R3HCC1L: variants seen among roughly 807,000 people sequenced by gnomAD.
R3HCC1L encodes the protein coiled-coil domain-containing protein R3HCC1L.
In R3HCC1L, 51 loss-of-function variants were observed where a neutral mutation model predicts 59.9. The ratio of observed to expected loss-of-function variants is 0.85; its 90% CI spans 0.68 to 1.07. The LOEUF (loss-of-function observed/expected upper bound fraction) is 1.07. Among genes scored for constraint, R3HCC1L ranks in the 50% least tolerant of loss-of-function variants. The probability of loss-of-function intolerance (pLI) is 0.00; values close to 1 mark genes in which losing one functional copy is unlikely to be tolerated. For missense variants in R3HCC1L, 965 were observed against 933.0 expected (o/e 1.03, Z -0.45); for synonymous variants, 322 against 315.2 (o/e 1.02, Z -0.23).
In R3HCC1L at chr10:98,163,402, G is replaced by C; in HGVS notation, c.-15+5G>C. 1 of 1,331,908 alleles carries C rather than the reference G, an allele frequency of 7.5e-7. No homozygotes were observed. Among genetic ancestry groups the C allele is most frequent in the Admixed American group, 2.5e-5 (1 of 39,312 alleles). 82.5% of individuals were successfully genotyped at this position (1,331,908 alleles called of 1,614,324 possible). A position where few individuals can be genotyped will look rare whatever the true frequency, so the allele number is the denominator to read the frequency against. On this transcript the variant is annotated splice_donor_5th_base_variant and intron_variant, in intron 4 of 9. Transcript: ENST00000298999. The stretch of plus-strand genomic sequence containing the variant: ...AAAATAAATGTTACTTACATGGTAA[G>C]TTGCCTTTACTTATGCATATTTTAT...
chr10:98,221,755 A>G (rs965781377), intron 5 of R3HCC1L, among the ~76,000 whole-genome samples: 2 of 152,232 alleles, frequency 1.3e-5, no homozygotes, highest in African/African-American at 4.8e-5. Flanking sequence ...TTTTGGTACC[A>G]GTACCATGCT....
intron 5 of R3HCC1L, among the ~76,000 whole-genome samples, chr10:98,221,759 C>A (rs975831114): frequency 6.6e-6 from 1 of 152,164 alleles, no homozygotes; most frequent in Non-Finnish European, 1.5e-5. Context: ...GGTACCAGTA[C>A]CATGCTGTTT....
At chr10:98,175,806 A>G (rs1290044592) in intron 4 of R3HCC1L, among the ~76,000 whole-genome samples, 1 of 152,068 alleles carries the variant, frequency 6.6e-6, no homozygotes, top group Non-Finnish European at 1.5e-5. Context: ...TTTAAAAATT[A>G]TTTTATTTTA....
rs769351406 is a variant in R3HCC1L, at chr10:98,209,229, C to T, written c.1115C>T (p.Thr372Ile). The change falls in exon 5 of 10, where the codon ACC becomes ATC. Residue 372 changes from threonine (T) to isoleucine (I), a missense_variant. By Grantham distance (89) the Thr-to-Ile change is moderately conservative. Transcript: ENST00000298999. ...GGATTTAAGAATGTAGGTGACATTA[C>T]CAATAAAGCATGTATGATGGACACT... ...DSGFKNVGDITNKACMMDTTG... is the reference protein window; with the variant it reads ...DSGFKNVGDIINKACMMDTTG... 2 of 1,613,724 alleles carry T rather than the reference C, an allele frequency of 1.2e-6. No individual in the cohort carries two copies. The highest frequency in any genetic ancestry group is 1.1e-5 in the South Asian group (1 of 91,072).
intron 9 of R3HCC1L, among the ~76,000 whole-genome samples, chr10:98,238,922 T>C (rs1857237384): frequency 1.3e-5 from 2 of 152,210 alleles, no homozygotes; most frequent in Admixed American, 6.5e-5. Flanking sequence ...TTAGTAGAAA[T>C]AGAGAATATC....
At chr10:98,159,428 T>C (rs780822814) in intron 2 of R3HCC1L, among the ~76,000 whole-genome samples, 8 of 152,204 alleles carry the variant, frequency 5.3e-5, no homozygotes, top group Admixed American at 1.3e-4. Flanking sequence ...ATAGTCACAG[T>C]CCCTTTGTAA....
chr10:98,221,740 G>C (rs375879317), intron 5 of R3HCC1L, among the ~76,000 whole-genome samples: 10 of 152,016 alleles, frequency 6.6e-5, no homozygotes, highest in Admixed American at 2.6e-4. Flanking sequence ...TGATCTATAT[G>C]TCTGTTTTGG....
intron 4 of R3HCC1L, among the ~76,000 whole-genome samples, chr10:98,198,141 C>T (rs1426542708): frequency 6.6e-6 from 1 of 151,888 alleles, no homozygotes; most frequent in African/African-American, 2.4e-5. Flanking sequence ...AACAAATGGG[C>T]TGACAGTGAT....
chr10:98,189,606 A>T (rs927530954), intron 4 of R3HCC1L, among the ~76,000 whole-genome samples: 4 of 152,110 alleles, frequency 2.6e-5, no homozygotes, highest in African/African-American at 9.7e-5. Context: ...TATATTTTGT[A>T]TAACCTGGTT....
intron 1 of R3HCC1L, among the ~76,000 whole-genome samples, chr10:98,139,030 C>G (rs1211592676): frequency 6.6e-6 from 1 of 152,094 alleles, no homozygotes; most frequent in African/African-American, 2.4e-5. Context: ...TCCCCTAATG[C>G]TTCAATGATC....
intron 5 of R3HCC1L, among the ~76,000 whole-genome samples, chr10:98,215,982 G>C (rs1854153573): frequency 6.6e-6 from 1 of 152,110 alleles, no homozygotes; most frequent in South Asian, 2.1e-4. Flanking sequence ...AACATGAGCA[G>C]AAAAAGCATT....
chr10:98,226,329 A>G (rs572233622), intron 5 of R3HCC1L, among the ~76,000 whole-genome samples: 2 of 152,228 alleles, frequency 1.3e-5, no homozygotes, highest in Non-Finnish European at 2.9e-5. Flanking sequence ...CTCAAAAAGA[A>G]TAAAACATTT....
intron 8 of R3HCC1L, 102 bp from the exon 9 acceptor site, chr10:98,235,922 T>C: frequency 7.6e-7 from 1 of 1,309,370 alleles, no homozygotes; most frequent in Non-Finnish European, 1.1e-6. Flanking sequence ...GATGCAGCCC[T>C]TGTTAGTCTA....
intron 5 of R3HCC1L, among the ~76,000 whole-genome samples, chr10:98,220,977 T>G (rs1264360326): frequency 6.8e-6 from 1 of 146,586 alleles, no homozygotes; most frequent in Non-Finnish European, 1.5e-5. Flanking sequence ...ATGGTTGAAC[T>G]AGTTTACAGT....
At position 98,154,011 on chromosome 10, in the gene R3HCC1L, A is replaced by G. The variant is rs141614382; in HGVS notation, c.-267-2082A>G. ...GACACATCTCACTTCCTTTAAGGAT[A>G]CTTCCTGGAAGTTATATTACAGGTT... On this transcript the variant is annotated intron_variant, in intron 1 of 9. Transcript: ENST00000298999. Among the ~76,000 whole-genome samples, 448 of 152,296 alleles carry G rather than the reference A, an allele frequency of 2.9e-3. 4 individuals are homozygous for G. The highest frequency in any genetic ancestry group is 9.1e-3 in the African/African-American group (380 of 41,560).
At chr10:98,236,199 T>A in intron 9 of R3HCC1L, 35 bp downstream of exon 9, 1 of 1,607,154 alleles carries the variant, frequency 6.2e-7, no homozygotes, top group South Asian at 1.1e-5. Flanking sequence ...CTCTAGGCCC[T>A]TCAGAACTCA....
intron 5 of R3HCC1L, among the ~76,000 whole-genome samples, chr10:98,213,226 T>A (rs1297274422): frequency 6.6e-6 from 1 of 152,166 alleles, no homozygotes; most frequent in Non-Finnish European, 1.5e-5. Context: ...CCATCACCTT[T>A]CAGTTGAATA....
chr10:98,149,433 G>A (rs567884546), intron 1 of R3HCC1L, among the ~76,000 whole-genome samples: 50 of 152,132 alleles, frequency 3.3e-4, no homozygotes, highest in African/African-American at 1.0e-3. Flanking sequence ...TTTGAGGCAC[G>A]TTATTAGATT....
At chr10:98,153,585 G>GAA in intron 1 of R3HCC1L, among the ~76,000 whole-genome samples, 1 of 136,352 alleles carries the variant, frequency 7.3e-6, no homozygotes, top group African/African-American at 2.8e-5. Flanking sequence ...CCCCCTCTGC[G>GAA]AGAAACACCC....
Sources: allele counts gnomAD v4.1 joint callset (sites outside exome capture counted in the v4.1 genomes callset), GRCh38; gene constraint gnomAD v4.1.1; transcripts MANE v1.5; gene names NCBI Gene and HGNC (gene_info 2026-07-23, HGNC 2026-07-21).